The following CDH26 variants were observed in gnomAD, a reference collection of about 807,000 sequenced individuals.
The protein encoded by CDH26 is cadherin 26, also known as cadherin-like protein 26.
Under a neutral mutation model 90.3 loss-of-function variants are expected in CDH26, and 83 were observed. The observed-to-expected ratio is 0.92, with a 90% CI of 0.77 to 1.10. The LOEUF is 1.10. Among genes scored for constraint, CDH26 ranks in the 50% least tolerant of loss-of-function variants. CDH26 has a pLI of 0.00. For missense variants in CDH26, 1,013 were observed against 1,037.6 expected (o/e 0.98, Z 0.33); for synonymous variants, 397 against 396.3 (o/e 1.00, Z -0.02).
chr20:60,003,151 G>A (rs1173658112), intron 16 of CDH26, among the ~76,000 whole-genome samples: 2 of 152,116 alleles, frequency 1.3e-5, no homozygotes, highest in Non-Finnish European at 2.9e-5. Context: ...TTTCTGCTGT[G>A]CTTTGTCACA....
At chr20:60,018,721 T>TTTTTTTTTTTTTTTTG (rs2061927832), downstream of CDH26, among the ~76,000 whole-genome samples, 1 of 138,444 alleles carries the variant, frequency 7.2e-6, no homozygotes, top group Admixed American at 7.3e-5. Context: ...TTTTTTTTTT[T>TTTTTTTTTTTTTTTTG]TTTTTTTTTT....
At chr20:59,985,719 A>G (rs1244751627) in intron 7 of CDH26, among the ~76,000 whole-genome samples, 1 of 152,232 alleles carries the variant, frequency 6.6e-6, no homozygotes, top group Non-Finnish European at 1.5e-5. Flanking sequence ...GCTAGAATCA[A>G]GAAGCCAAAT....
In CDH26 at chr20:59,996,699, A is replaced by G. The variant is rs754300630; in HGVS notation, c.1957A>G (p.Asn653Asp). The part of the protein sequence containing the change: ...EPKRHGCSVS[N>D]DEGHQTLVMY... ...TAAGAGGCATGGATGCTCTGTATCC[A>G]ATGATGAAGGCCACCAAACACTGGT... is the stretch of plus-strand genomic sequence containing the variant. Residue 653 changes from asparagine (N) to aspartate (D), a missense_variant, in exon 13 of 18, where the codon AAT becomes GAT. Asn to Asp is a conservative substitution (Grantham distance 23). Coordinates refer to ENST00000348616, the MANE Select transcript of CDH26 (RefSeq NM_177980.4). 8 of 1,614,266 alleles carry G rather than the reference A, an allele frequency of 5.0e-6. No homozygotes were observed. The highest frequency in any genetic ancestry group is 5.9e-6 in the Non-Finnish European group (7 of 1,180,046).
intron 15 of CDH26, chr20:60,001,689 A>C (rs566718365): frequency 8.3e-5 from 73 of 880,994 alleles, no homozygotes; most frequent in Admixed American, 1.9e-4. Context: ...ACATTTTCTC[A>C]TGTCCTTCTA....
intron 8 of CDH26, among the ~76,000 whole-genome samples, chr20:59,987,905 A>G (rs1481679215): frequency 6.6e-6 from 1 of 152,238 alleles, no homozygotes. Flanking sequence ...TTGTTGTTGT[A>G]GGCAAAATGT....
Position 60,012,508 on chromosome 20 carries a change from T to A in CDH26, c.2296-19T>A. ...GAAGCACATGGCATTTACCTTCTCT[T>A]TCCCCCACTTTTCCCCAGAAACTCC... On this transcript the variant is annotated intron_variant, in intron 17 of 17. Transcript: ENST00000348616. The A allele has an allele frequency of 6.2e-7, 1 of 1,607,506 alleles. No individual in the cohort carries two copies. Among genetic ancestry groups the A allele is most frequent in the Non-Finnish European group, 8.5e-7 (1 of 1,176,290 alleles).
intron 7 of CDH26, among the ~76,000 whole-genome samples, chr20:60,027,666 A>G (rs1201401847): frequency 6.6e-6 from 1 of 152,190 alleles, no homozygotes; most frequent in Non-Finnish European, 1.5e-5. Flanking sequence ...CCCACATCCC[A>G]GAGAGGTATA....
At chr20:59,990,190 T>C (rs1030192171) in intron 9 of CDH26, among the ~76,000 whole-genome samples, 15 of 152,242 alleles carry the variant, frequency 9.9e-5, no homozygotes, top group African/African-American at 3.4e-4. Flanking sequence ...TGTATCAGAA[T>C]GTCCTTCCTT....
chr20:59,990,948 C>A (rs952488276), intron 9 of CDH26, among the ~76,000 whole-genome samples: 3 of 151,926 alleles, frequency 2.0e-5, no homozygotes, highest in African/African-American at 7.3e-5. Context: ...TGACTCACTG[C>A]AACCTCCACC....
intron 17 of CDH26, among the ~76,000 whole-genome samples, chr20:60,011,206 A>G (rs2061834712): frequency 6.6e-6 from 1 of 151,882 alleles, no homozygotes; most frequent in South Asian, 2.1e-4. Flanking sequence ...GTTGGTGATG[A>G]CTCTAGGTTT....
intron 4 of CDH26, 148 bp from the exon 5 acceptor site, chr20:59,982,775 T>G: frequency 1.2e-6 from 1 of 843,648 alleles, no homozygotes; most frequent in Non-Finnish European, 1.9e-6. Flanking sequence ...GGGTACTTGG[T>G]AAATGAGGGC....
intron 12 of CDH26, 63 bp downstream of exon 12, chr20:59,996,117 T>TAAG: frequency 1.3e-6 from 2 of 1,516,612 alleles, no homozygotes; most frequent in Non-Finnish European, 1.8e-6. Flanking sequence ...AGGCCAGGGG[T>TAAG]AAGGGGCTTG....
intron 16 of CDH26, among the ~76,000 whole-genome samples, chr20:60,005,479 TG>T (rs1224132101): frequency 1.3e-4 from 10 of 77,940 alleles, no homozygotes; most frequent in African/African-American, 5.6e-4. Flanking sequence ...TGTATATATC[TG>T]TATGTATGTA....
chr20:59,979,198 AT>A (rs548400785), intron 4 of CDH26, among the ~76,000 whole-genome samples: 1,474 of 123,686 alleles, frequency 0.012, 11 homozygotes, highest in Middle Eastern at 0.021. Flanking sequence ...TTCTTCTTCT[AT>A]TTTTTTTTTT....
Position 59,958,645 on chromosome 20 carries a change from A to T in CDH26, c.-82A>T, listed in dbSNP as rs1021632169. 1.7e-5 allele frequency: 22 copies of T among 1,298,414 alleles called. No homozygotes were observed. Among genetic ancestry groups the T allele is most frequent in the Admixed American group, 1.7e-5 (1 of 57,728 alleles). The allele number at this position is 1,298,414 out of a possible 1,614,324, so 80.4% of individuals were successfully genotyped here. ...GAGAAGAAGCTGCTGGCTGAGAAGG[A>T]GGTGTGTGGCTCCGGTGAGACCACC... is the stretch of plus-strand genomic sequence containing the variant. On this transcript the variant is annotated 5_prime_UTR_variant, in exon 1 of 18. Coordinates refer to ENST00000348616, the MANE Select transcript of CDH26 (RefSeq NM_177980.4).
intron 11 of CDH26, 128 bp from the exon 12 acceptor site, chr20:59,995,705 C>T: frequency 1.3e-6 from 1 of 762,262 alleles, no homozygotes. Flanking sequence ...GAGGACCCCT[C>T]CCTCTAACTC....
chr20:59,999,635 CT>C lies in CDH26; in HGVS notation c.2070del (p.Ala691GlnfsTer43). On this transcript the variant is annotated frameshift_variant, in exon 14 of 18. Coordinates refer to ENST00000348616, the MANE Select transcript of CDH26 (RefSeq NM_177980.4). LOFTEE classifies it high-confidence loss of function. ...AGGCCGGCTCTGCTCATCTGCACAG[CT>C]GCAGCAGGACCCACGCAGGGAGTTA... Reference protein sequence around the residue: ...GQRPALLICTAAAGPTQGVKD... With the variant: ...GQRPALLICTXAAGPTQGVKD... 5 of 1,614,174 alleles carry C rather than the reference CT, an allele frequency of 3.1e-6. No individual in the cohort carries two copies. Among genetic ancestry groups the C allele is most frequent in the Non-Finnish European group, 4.2e-6 (5 of 1,179,998 alleles).
intron 7 of CDH26, among the ~76,000 whole-genome samples, chr20:60,029,684 G>A (rs143153393): frequency 5.9e-5 from 9 of 151,836 alleles, no homozygotes; most frequent in South Asian, 2.1e-4. Flanking sequence ...CCCTCCCTGC[G>A]TCCATGTGTT....
At position 59,992,520 on chromosome 20, in the gene CDH26, G is replaced by A. The variant is rs2061541134; in HGVS notation, c.1426G>A (p.Gly476Ser). The A allele has an allele frequency of 3.7e-6, 6 of 1,613,472 alleles. No individual in the cohort carries two copies. Among genetic ancestry groups the A allele is most frequent in the Non-Finnish European group, 3.4e-6 (4 of 1,179,802 alleles). Residue 476 changes from glycine to serine, a missense_variant and splice_region_variant, in exon 10 of 18, where the codon GGC (glycine) becomes AGC (serine). Coordinates refer to ENST00000348616, the MANE Select transcript of CDH26 (RefSeq NM_177980.4). This position sits in a 1 kb window ranked among gnomAD's most constrained non-coding sequence, Gnocchi z 5.0. Reference sequence around the variant, plus strand: ...AATCATCATTCACGCTGTTGATGATGGTGAGTGTTTACCCAAAATTGGAAA... The same window carrying A: ...AATCATCATTCACGCTGTTGATGATAGTGAGTGTTTACCCAAAATTGGAAA... ...YVIIIHAVDDGFPPQTATGTL... is the reference protein window; with the variant it reads ...YVIIIHAVDDSFPPQTATGTL...
Sources: allele counts gnomAD v4.1 joint callset (sites outside exome capture counted in the v4.1 genomes callset), GRCh38; gene constraint gnomAD v4.1.1; non-coding constraint Gnocchi (gnomAD v3.1); transcripts MANE v1.5; gene names NCBI Gene and HGNC (gene_info 2026-07-23, HGNC 2026-07-21).